Variants in EPHA3 observed in about 807,000 individuals in gnomAD.
EPHA3 encodes EPH receptor A3.
EPHA3 carries 42 observed loss-of-function variants against 107.1 expected under a neutral mutation model. The observed-to-expected ratio is 0.39, with a 90% CI of 0.31 to 0.51. The LOEUF (loss-of-function observed/expected upper bound fraction) is 0.51. EPHA3 is among the 20% of genes least tolerant of loss of function. The pLI is 0.78. For synonymous variants in EPHA3, 461 were observed against 424.8 expected, an observed-to-expected ratio of 1.09 and a Z score of -1.05; for missense variants, 1,183 against 1,211.2, an observed-to-expected ratio of 0.98 and a Z score of 0.35.
At chr3:89,251,650 T>C (rs1190120902) in intron 3 of EPHA3, among the ~76,000 whole-genome samples, 1 of 152,124 alleles carries the variant, frequency 6.6e-6, no homozygotes. Flanking sequence ...ATTATAAAGA[T>C]AAAATATATT....
In EPHA3 at chr3:89,360,518, C is replaced by A. The variant is rs148666732; in HGVS notation, c.1306+18428C>A. On this transcript the variant is annotated intron_variant, in intron 5 of 16. Coordinates refer to ENST00000336596, the MANE Select transcript of EPHA3 (RefSeq NM_005233.6). ...AGTCAAAGCTGTTGGAGTCATTTGG[C>A]GCTTCTCTTTCTCTCAAACTGTATA... Among the ~76,000 whole-genome samples the A allele has an allele frequency of 2.7e-5, 4 of 150,874 alleles. No individual in the cohort carries two copies. The Admixed American group carries it at 2.7e-4, about 10-fold the overall frequency.
At chr3:89,292,152 C>G (rs1364187657) in intron 3 of EPHA3, among the ~76,000 whole-genome samples, 2 of 152,098 alleles carry the variant, frequency 1.3e-5, no homozygotes, top group Non-Finnish European at 2.9e-5. Context: ...GGATAATTCA[C>G]TTATAAGAAT....
intron 3 of EPHA3, among the ~76,000 whole-genome samples, chr3:89,304,899 T>C (rs186464569): frequency 1.9e-4 from 29 of 152,292 alleles, no homozygotes; most frequent in South Asian, 6.2e-4. Flanking sequence ...TGCCATTCAA[T>C]ACATATTTAA....
chr3:89,204,684 A>ATAAT (rs1217739490), intron 2 of EPHA3, among the ~76,000 whole-genome samples: 4 of 152,134 alleles, frequency 2.6e-5, no homozygotes, highest in Non-Finnish European at 5.9e-5. Context: ...ATGAATAAAT[A>ATAAT]GAAATATAAT....
intron 2 of EPHA3, among the ~76,000 whole-genome samples, chr3:89,189,550 G>A (rs1431491256): frequency 7.9e-5 from 12 of 152,126 alleles, no homozygotes; most frequent in South Asian, 4.1e-4. Context: ...CCCAGATTGC[G>A]CCACTGTACT....
intron 3 of EPHA3, among the ~76,000 whole-genome samples, chr3:89,324,333 A>ATT (rs199592581): frequency 3.6e-4 from 54 of 148,550 alleles, no homozygotes; most frequent in African/African-American, 1.3e-3. Flanking sequence ...ATGCCGTGCT[A>ATT]TTTTTTTTTG....
intron 3 of EPHA3, among the ~76,000 whole-genome samples, chr3:89,221,435 A>G (rs1414289179): frequency 1.3e-5 from 2 of 152,168 alleles, no homozygotes; most frequent in East Asian, 3.9e-4. Flanking sequence ...ATACATAGAT[A>G]CGCTCTCTTA....
chr3:89,481,095 T>C lies in EPHA3; in HGVS notation c.*1593T>C. ...TACTCTTTCTAATGCTGATATGATC[T>C]TGAGTATAAGAAATGCATATGTCAC... is the stretch of plus-strand genomic sequence containing the variant. On this transcript the variant is annotated 3_prime_UTR_variant, in exon 17 of 17. Coordinates refer to ENST00000336596, the MANE Select transcript of EPHA3 (RefSeq NM_005233.6). 1 of 232,064 alleles carries C rather than the reference T, an allele frequency of 4.3e-6. No individual in the cohort carries two copies. The highest frequency in any genetic ancestry group is 5.6e-5 in the Admixed American group (1 of 17,766). The allele number at this position is 232,064 out of a possible 1,614,324, so 14.4% of individuals were successfully genotyped here.
chr3:89,407,150 C>A, intron 7 of EPHA3, 119 bp from the exon 8 acceptor site: 1 of 656,552 alleles, frequency 1.5e-6, no homozygotes. Context: ...AGACATTAAG[C>A]CATACTTCAG....
chr3:89,296,118 CTA>C (rs1706348876), intron 3 of EPHA3, among the ~76,000 whole-genome samples: 1 of 152,168 alleles, frequency 6.6e-6, no homozygotes, highest in Non-Finnish European at 1.5e-5. Context: ...TTAAATCCCT[CTA>C]TGTCATCCAT....
chr3:89,206,155 G>A (rs1309729200), intron 2 of EPHA3, among the ~76,000 whole-genome samples: 1 of 152,142 alleles, frequency 6.6e-6, no homozygotes, highest in Non-Finnish European at 1.5e-5. Context: ...AATTAATGAA[G>A]TGATAATTGC....
rs1710613516 is a variant in EPHA3 at position 89,481,097 on chromosome 3, G to C, written c.*1595G>C. ...CTCTTTCTAATGCTGATATGATCTTGAGTATAAGAAATGCATATGTCACTA... is the reference window on the plus strand; with the variant it reads ...CTCTTTCTAATGCTGATATGATCTTCAGTATAAGAAATGCATATGTCACTA... On this transcript the variant is annotated 3_prime_UTR_variant, in exon 17 of 17. Transcript: ENST00000336596. 4.3e-6 allele frequency: 1 copy of C among 231,850 alleles called. No individual in the cohort carries two copies. The highest frequency in any genetic ancestry group is 8.5e-6 in the Non-Finnish European group (1 of 117,274). The allele number at this position is 231,850 out of a possible 1,614,324, so 14.4% of individuals were successfully genotyped here.
chr3:89,197,515 A>G (rs1415128206), intron 2 of EPHA3, among the ~76,000 whole-genome samples: 1 of 152,172 alleles, frequency 6.6e-6, no homozygotes, highest in African/African-American at 2.4e-5. Flanking sequence ...TAGATGGCAG[A>G]TATATTTTAC....
intron 13 of EPHA3, among the ~76,000 whole-genome samples, chr3:89,434,795 TC>T (rs1283197265): frequency 6.6e-6 from 1 of 152,194 alleles, no homozygotes. Context: ...GCATTTCTGT[TC>T]CAGTCACTGA....
intron 13 of EPHA3, among the ~76,000 whole-genome samples, chr3:89,442,781 G>A (rs1709809769): frequency 6.6e-6 from 1 of 152,162 alleles, no homozygotes; most frequent in Non-Finnish European, 1.5e-5. Flanking sequence ...ATGTGCAACA[G>A]ACTAGCCATC....
chr3:89,182,946 T>C (rs1705479862), intron 2 of EPHA3, among the ~76,000 whole-genome samples: 1 of 151,992 alleles, frequency 6.6e-6, no homozygotes, highest in Non-Finnish European at 1.5e-5. Context: ...AATAAATAGC[T>C]TATTATTTCC....
At chr3:89,154,392 T>G (rs1704752944) in intron 2 of EPHA3, among the ~76,000 whole-genome samples, 1 of 151,836 alleles carries the variant, frequency 6.6e-6, no homozygotes, top group Non-Finnish European at 1.5e-5. Flanking sequence ...AAGTGTCATT[T>G]CTCCATGATT....
chr3:89,437,795 G>A (rs1188833519), intron 13 of EPHA3, among the ~76,000 whole-genome samples: 1 of 152,038 alleles, frequency 6.6e-6, no homozygotes, highest in Admixed American at 6.6e-5. Flanking sequence ...TTAGATGCTG[G>A]GTAAGCCATC....
At chr3:89,377,439 C>A (rs9854073) in intron 5 of EPHA3, among the ~76,000 whole-genome samples, 33,985 of 152,016 alleles carry the variant, frequency 0.22, 4,106 homozygotes, top group Non-Finnish European at 0.27. Flanking sequence ...ATCCATTTAA[C>A]AGTTATTCCT....
Sources: allele counts gnomAD v4.1 joint callset (sites outside exome capture counted in the v4.1 genomes callset), GRCh38; gene constraint gnomAD v4.1.1; transcripts MANE v1.5; gene names NCBI Gene and HGNC (gene_info 2026-07-23, HGNC 2026-07-21).